The following ITPR2 variants were observed in gnomAD, a reference collection of about 807,000 sequenced individuals.
The protein encoded by ITPR2 is inositol 1,4,5-trisphosphate receptor type 2.
In ITPR2, 207 loss-of-function variants were observed where a neutral mutation model predicts 317.1. That is an observed-to-expected ratio of 0.65 (90% CI 0.58 to 0.73). ITPR2 has a LOEUF of 0.73. ITPR2 is among the 30% of genes least tolerant of loss of function. ITPR2 has a pLI of 0.00. For synonymous variants in ITPR2, 1,156 were observed against 1,149.1 expected, an observed-to-expected ratio of 1.01 and a Z score of -0.12; for missense variants, 2,613 against 3,284.0, an observed-to-expected ratio of 0.80 and a Z score of 4.99.
intron 28 of ITPR2, among the ~76,000 whole-genome samples, chr12:26,601,318 G>A (rs1415300634): frequency 6.6e-6 from 1 of 152,034 alleles, no homozygotes; most frequent in African/African-American, 2.4e-5. Context: ...GGGCCTATGG[G>A]GGCAACACCC....
chr12:26,529,029 T>C (rs1455192031), intron 37 of ITPR2, among the ~76,000 whole-genome samples: 1 of 152,186 alleles, frequency 6.6e-6, no homozygotes, highest in Non-Finnish European at 1.5e-5. Flanking sequence ...ACTTCTTGCC[T>C]CCACTGTCAC....
intron 37 of ITPR2, among the ~76,000 whole-genome samples, chr12:26,536,013 G>A (rs368009409): frequency 2.0e-5 from 3 of 152,144 alleles, no homozygotes; most frequent in South Asian, 2.1e-4. Flanking sequence ...GCATACTTTC[G>A]TCCATATGTT....
At chr12:26,666,202 A>G (rs1947629725) in intron 13 of ITPR2, 151 bp from the exon 14 acceptor site, 3 of 401,940 alleles carry the variant, frequency 7.5e-6, no homozygotes, top group Non-Finnish European at 8.3e-6. Context: ...ACTCAAATCC[A>G]TGGAAATTTC....
intron 39 of ITPR2, among the ~76,000 whole-genome samples, chr12:26,492,300 A>G (rs368554008): frequency 6.6e-6 from 1 of 152,164 alleles, no homozygotes. Flanking sequence ...GCAGTTTCCA[A>G]TGGGAGCTGG....
At chr12:26,445,192 A>G (rs2136744233) in intron 45 of ITPR2, among the ~76,000 whole-genome samples, 1 of 152,314 alleles carries the variant, frequency 6.6e-6, no homozygotes, top group Admixed American at 6.5e-5. Flanking sequence ...AGCGACTAAT[A>G]GTTTAGAAAC....
At chr12:26,711,061 C>A in intron 9 of ITPR2, 112 bp downstream of exon 9, 1 of 665,814 alleles carries the variant, frequency 1.5e-6, no homozygotes, top group South Asian at 1.9e-5. Context: ...AGGCAACAAT[C>A]AAATTTGTGT....
At position 26,580,012 on chromosome 12, in the gene ITPR2, A is replaced by G; in HGVS notation, c.4509+15T>C. On this transcript the variant is annotated intron_variant, in intron 33 of 56. Coordinates refer to ENST00000381340, the MANE Select transcript of ITPR2 (RefSeq NM_002223.4). ...AACTCTTTGCAACAGAATGCTTTGC[A>G]ATTGTTTAACTTACCTGGAGGCTGG... 6.2e-7 allele frequency: 1 copy of G among 1,603,542 alleles called. No homozygotes were observed. The highest frequency in any genetic ancestry group is 1.1e-5 in the South Asian group (1 of 88,320).
chr12:26,364,255 G>A (rs1422461688), intron 55 of ITPR2, among the ~76,000 whole-genome samples: 4 of 152,088 alleles, frequency 2.6e-5, no homozygotes, highest in Non-Finnish European at 5.9e-5. Context: ...TTACCATCAG[G>A]CAGACTATAT....
At chr12:26,400,594 T>C (rs1216914828) in intron 52 of ITPR2, 4 of 154,312 alleles carry the variant, frequency 2.6e-5, no homozygotes, top group Non-Finnish European at 4.3e-5. Flanking sequence ...TGGCAGCACA[T>C]GACTGACACA....
intron 2 of ITPR2, among the ~76,000 whole-genome samples, chr12:26,747,500 TC>T (rs2137096286): frequency 6.6e-6 from 1 of 152,370 alleles, no homozygotes; most frequent in Admixed American, 6.5e-5. Context: ...TGTAGGTTTA[TC>T]AACATCTTCG....
chr12:26,409,654 C>A (rs570893813), intron 52 of ITPR2, among the ~76,000 whole-genome samples: 4 of 152,108 alleles, frequency 2.6e-5, no homozygotes, highest in African/African-American at 7.2e-5. Flanking sequence ...AAAACTAGAG[C>A]AAGTCATATT....
At chr12:26,743,984 C>T (rs1410198345) in intron 2 of ITPR2, among the ~76,000 whole-genome samples, 3 of 152,186 alleles carry the variant, frequency 2.0e-5, no homozygotes, top group Admixed American at 2.0e-4. Flanking sequence ...GATTTCTTAC[C>T]AACTCATCAT....
intron 21 of ITPR2, among the ~76,000 whole-genome samples, chr12:26,633,099 C>A (rs1946789055): frequency 6.7e-6 from 1 of 149,576 alleles, no homozygotes; most frequent in African/African-American, 2.5e-5. Flanking sequence ...GGGCGTAAAC[C>A]AAGAGAAAGA....
At position 26,785,289 on chromosome 12, in the gene ITPR2, C is replaced by G. The variant is rs1390025447; in HGVS notation, c.163+4868G>C. On this transcript the variant is annotated intron_variant, in intron 2 of 56. Transcript: ENST00000381340. ...CCTCTGCCCGGCCAGCCGCCCCGTC[C>G]GAGAGGGAGGTGGTGGGGGTCAGCC... is the stretch of plus-strand genomic sequence containing the variant. Among the ~76,000 whole-genome samples, 4 of 43,570 alleles carry G rather than the reference C, an allele frequency of 9.2e-5. 2 individuals are homozygous for G. The highest frequency in any genetic ancestry group is 2.4e-4 in the Non-Finnish European group (4 of 16,654). The allele number at this position is 43,570 out of a possible 152,430, so 28.6% of individuals were successfully genotyped here. A position where few individuals can be genotyped will look rare whatever the true frequency, so the allele number is the denominator to read the frequency against.
intron 37 of ITPR2, among the ~76,000 whole-genome samples, chr12:26,517,220 G>C (rs952480570): frequency 5.3e-5 from 8 of 152,064 alleles, no homozygotes; most frequent in Admixed American, 6.6e-5. Context: ...CTAAAGTAGT[G>C]ATAACAGCCA....
chr12:26,411,197 T>C, intron 52 of ITPR2, 123 bp downstream of exon 52: 2 of 653,040 alleles, frequency 3.1e-6, no homozygotes, highest in African/African-American at 3.7e-5. Context: ...TCTTTTACTC[T>C]CTATTCTTCT....
chr12:26,806,485 AAAC>A (rs1011378158), intron 1 of ITPR2, among the ~76,000 whole-genome samples: 6 of 152,150 alleles, frequency 3.9e-5, no homozygotes, highest in African/African-American at 1.4e-4. Context: ...ATCCTTTTTT[AAAC>A]AAGTATAACT....
chr12:26,415,182 A>G (rs1478653599), intron 51 of ITPR2, 121 bp downstream of exon 51: 2 of 663,956 alleles, frequency 3.0e-6, no homozygotes, highest in Non-Finnish European at 5.0e-6. Flanking sequence ...AACAAAACAT[A>G]TTCTCAAAGG....
intron 1 of ITPR2, among the ~76,000 whole-genome samples, chr12:26,828,400 G>A (rs910968223): frequency 5.9e-5 from 9 of 152,154 alleles, no homozygotes; most frequent in African/African-American, 2.2e-4. Context: ...AAGATTTCAC[G>A]TGGCACAGAC....
Sources: gnomAD v4.1 joint callset for allele counts (sites outside exome capture counted in the v4.1 genomes callset) on GRCh38, gnomAD v4.1.1 for gene constraint, MANE v1.5 for transcripts, NCBI Gene and HGNC (gene_info 2026-07-23, HGNC 2026-07-21) for gene names.